Variants in SNTG2 observed in about 807,000 individuals in gnomAD.
SNTG2 encodes the protein syntrophin gamma 2, also known as gamma-2-syntrophin.
A neutral mutation model predicts 70.9 loss-of-function variants in SNTG2; 74 were observed. That is an observed-to-expected ratio of 1.04 (90% confidence interval 0.86 to 1.27). The LOEUF is 1.27. SNTG2 is among the 50% of genes most tolerant of loss of function. SNTG2 has a pLI of 0.00. For missense variants in SNTG2, 717 were observed against 690.7 expected (o/e 1.04, Z -0.43); for synonymous variants, 278 against 273.8 (o/e 1.02, Z -0.15).
chr2:1,135,089 A>G (rs372296328), intron 4 of SNTG2, among the ~76,000 whole-genome samples: 1 of 152,158 alleles, frequency 6.6e-6, no homozygotes, highest in East Asian at 1.9e-4. Context: ...GCACTGCCCT[A>G]TGTGCGTTTT....
At chr2:1,330,255 T>C (rs1558212328) in intron 16 of SNTG2, among the ~76,000 whole-genome samples, 1 of 152,204 alleles carries the variant, frequency 6.6e-6, no homozygotes, top group Non-Finnish European at 1.5e-5. Context: ...ATATAAATAA[T>C]TTAAACAAAT....
chr2:1,182,736 A>G (rs28594422), intron 8 of SNTG2, among the ~76,000 whole-genome samples: 82,933 of 151,816 alleles, frequency 0.55, 23,588 homozygotes, highest in East Asian at 0.75. Flanking sequence ...CCCCCCAAAA[A>G]TAATCAGTTT....
Position 1,316,308 on chromosome 2 carries a change from C to G in SNTG2, c.1421C>G (p.Ser474Ter), listed in dbSNP as rs1208535760. 1 of 1,550,450 alleles carries G rather than the reference C, an allele frequency of 6.4e-7. No individual in the cohort carries two copies. The highest frequency in any genetic ancestry group is 2.0e-5 in the Admixed American group (1 of 50,936). The change falls in exon 16 of 17, where the codon TCA becomes TGA. Residue 474 changes from serine to a stop codon, truncating the protein, a stop_gained. Transcript: ENST00000308624. LOFTEE classifies it high-confidence loss of function. ...AAATTTTCCCAGCTTAAGGGATCTTCAGATGATGGGAAAACTCGAGTAAAG... is the reference window on the plus strand; with the variant it reads ...AAATTTTCCCAGCTTAAGGGATCTTGAGATGATGGGAAAACTCGAGTAAAG... ...RFKFSQLKGSSDDGKTRVKLL... is the reference protein window; with the variant it reads ...RFKFSQLKGS
At chr2:984,542 C>G (rs1362217302) in intron 1 of SNTG2, among the ~76,000 whole-genome samples, 2 of 152,178 alleles carry the variant, frequency 1.3e-5, no homozygotes, top group African/African-American at 4.8e-5. Flanking sequence ...CTCGTCCTCC[C>G]TGGTCCCTTT....
At chr2:1,222,559 C>A (rs878862113) in intron 9 of SNTG2, among the ~76,000 whole-genome samples, 1 of 24,558 alleles carries the variant, frequency 4.1e-5, no homozygotes, top group East Asian at 1.2e-3. Context: ...TAGAGGAAAG[C>A]GGTGCAGTGA....
At chr2:1,326,788 A>G (rs768924022) in intron 16 of SNTG2, among the ~76,000 whole-genome samples, 1 of 152,214 alleles carries the variant, frequency 6.6e-6, no homozygotes, top group Non-Finnish European at 1.5e-5. Context: ...CAGCTTTGAC[A>G]CACAAGATAA....
chr2:1,281,421 G>GTGTGTA (rs1475846141), intron 14 of SNTG2, among the ~76,000 whole-genome samples: 11,157 of 55,370 alleles, frequency 0.2, 1,254 homozygotes, highest in Middle Eastern at 0.32. Context: ...GTGTGTGTGT[G>GTGTGTA]TGTGGTGTGG....
chr2:1,283,026 G>A (rs546412904), intron 14 of SNTG2, among the ~76,000 whole-genome samples: 43 of 152,286 alleles, frequency 2.8e-4, no homozygotes, highest in African/African-American at 1.0e-3. Flanking sequence ...AAGCTCAGAG[G>A]ATCCCAGCCT....
At chr2:1,147,078 GT>G (rs1669151129) in intron 6 of SNTG2, among the ~76,000 whole-genome samples, 2 of 152,182 alleles carry the variant, frequency 1.3e-5, no homozygotes, top group South Asian at 4.1e-4. Context: ...TAGCATTTGA[GT>G]TGGGGATTGG....
intron 4 of SNTG2, among the ~76,000 whole-genome samples, chr2:1,134,949 C>G (rs115462909): frequency 6.6e-6 from 1 of 152,296 alleles, no homozygotes; most frequent in East Asian, 1.9e-4. Context: ...GTACACCCTC[C>G]GCAGCCGCTG....
intron 2 of SNTG2, among the ~76,000 whole-genome samples, chr2:1,093,380 G>A (rs1665162985): frequency 6.6e-6 from 1 of 152,098 alleles, no homozygotes; most frequent in Admixed American, 6.6e-5. Flanking sequence ...TTGCCTCTGG[G>A]GTCATAAAAT....
chr2:1,308,658 T>A, intron 15 of SNTG2, 72 bp downstream of exon 15: 2 of 1,267,368 alleles, frequency 1.6e-6, no homozygotes, highest in Non-Finnish European at 2.2e-6. Context: ...GCGTTAACAC[T>A]CACGCATGTC....
chr2:992,806 T>C (rs1486248635), intron 1 of SNTG2, among the ~76,000 whole-genome samples: 2 of 152,234 alleles, frequency 1.3e-5, no homozygotes, highest in East Asian at 1.9e-4. Context: ...TATTCTTTTA[T>C]AGTATCATGC....
chr2:1,308,729 T>G, intron 15 of SNTG2, 143 bp downstream of exon 15: 1 of 676,100 alleles, frequency 1.5e-6, no homozygotes, highest in Non-Finnish European at 2.5e-6. Context: ...TTTCATAGAC[T>G]TTTTTTTCTG....
chr2:1,254,339 G>A lies in SNTG2; in HGVS notation c.1006-5031G>A, dbSNP rs920125428. On this transcript the variant is annotated intron_variant, in intron 12 of 16. Transcript: ENST00000308624. ...CAACTCACACACCCTACTCTCCCTC[G>A]TTAGCCAGAGTATTTATTTCTGATT... 4.6e-5 allele frequency among the ~76,000 whole-genome samples: 7 copies of A among 152,100 alleles called. No individual in the cohort carries two copies. The East Asian group carries it at 5.8e-4, about 13-fold the overall frequency.
chr2:1,200,315 C>T (rs750084540), intron 8 of SNTG2, among the ~76,000 whole-genome samples: 4 of 151,888 alleles, frequency 2.6e-5, no homozygotes, highest in Non-Finnish European at 5.9e-5. Flanking sequence ...GGATATTCAT[C>T]TGCAGAAAAA....
intron 1 of SNTG2, among the ~76,000 whole-genome samples, chr2:1,055,889 C>A (rs1662361324): frequency 6.6e-6 from 1 of 152,156 alleles, no homozygotes. Context: ...GAGGCTGGGG[C>A]ACGACTGAAT....
chr2:1,085,296 G>A lies in SNTG2; in HGVS notation c.210+1641G>A, dbSNP rs576647577. Among the ~76,000 whole-genome samples the A allele has an allele frequency of 2.0e-5, 3 of 152,240 alleles. No homozygotes were observed. The South Asian group carries it at 6.2e-4, about 32-fold the overall frequency. ...AAGTAAAAACACTAAATGTTTTTATGCTGTATTGGCTAGAAAAAAATAAAT... is the reference window on the plus strand; with the variant it reads ...AAGTAAAAACACTAAATGTTTTTATACTGTATTGGCTAGAAAAAAATAAAT... On this transcript the variant is annotated intron_variant, in intron 2 of 16. Coordinates refer to ENST00000308624, the MANE Select transcript of SNTG2 (RefSeq NM_018968.4).
chr2:1,117,790 T>C (rs950767413), intron 4 of SNTG2, among the ~76,000 whole-genome samples: 10 of 152,188 alleles, frequency 6.6e-5, no homozygotes, highest in African/African-American at 2.4e-4. Flanking sequence ...TTCCCGGGTC[T>C]TTGCTGCTGC....
Sources: allele counts gnomAD v4.1 joint callset (sites outside exome capture counted in the v4.1 genomes callset), GRCh38; gene constraint gnomAD v4.1.1; transcripts MANE v1.5; gene names NCBI Gene and HGNC (gene_info 2026-07-23, HGNC 2026-07-21).